The following SLC14A2 variants were observed in gnomAD, a reference collection of about 807,000 sequenced individuals.
SLC14A2 encodes the protein solute carrier family 14 member 2.
Under a neutral mutation model 104.6 loss-of-function variants are expected in SLC14A2, and 91 were observed. The ratio of observed to expected loss-of-function variants is 0.87; its 90% confidence interval spans 0.73 to 1.04. The LOEUF is 1.04. SLC14A2 is among the 50% of genes least tolerant of loss of function. The pLI is 0.00. For missense variants in SLC14A2, 1,189 were observed against 1,156.0 expected (o/e 1.03, Z -0.41); for synonymous variants, 476 against 466.4 (o/e 1.02, Z -0.27).
intron 4 of SLC14A2, among the ~76,000 whole-genome samples, chr18:45,629,163 G>A (rs563294583): frequency 1.8e-4 from 27 of 152,334 alleles, no homozygotes; most frequent in African/African-American, 6.3e-4. Context: ...TGTAACCAAC[G>A]TCAGGCCCAG....
intron 1 of SLC14A2, among the ~76,000 whole-genome samples, chr18:45,220,456 A>C (rs1040431848): frequency 2.6e-5 from 4 of 152,230 alleles, no homozygotes; most frequent in African/African-American, 9.6e-5. Flanking sequence ...CAAACAAAAA[A>C]TGTTGGGCAG....
intron 2 of SLC14A2, among the ~76,000 whole-genome samples, chr18:45,510,726 C>T (rs1045638405): frequency 6.6e-5 from 10 of 151,546 alleles, no homozygotes; most frequent in African/African-American, 2.4e-4. Context: ...CAGCTGATCC[C>T]GTCATTGAGA....
intron 1 of SLC14A2, among the ~76,000 whole-genome samples, chr18:45,307,524 T>C (rs2085036370): frequency 6.6e-6 from 1 of 152,004 alleles, no homozygotes; most frequent in African/African-American, 2.4e-5. Flanking sequence ...TGGCCTGCTG[T>C]GGAGTGGAGA....
At chr18:45,570,473 C>T (rs1415666543) in intron 2 of SLC14A2, among the ~76,000 whole-genome samples, 2 of 152,202 alleles carry the variant, frequency 1.3e-5, no homozygotes, top group Non-Finnish European at 2.9e-5. Context: ...AATAAGAGCA[C>T]TTTAGAGAAA....
At chr18:45,192,325 AT>A in the SLC14A2 span, among the ~76,000 whole-genome samples, 1 of 152,222 alleles carries the variant, frequency 6.6e-6, no homozygotes, top group African/African-American at 2.4e-5. Context: ...GTTTTGACAT[AT>A]GTATATATGG....
intron 1 of SLC14A2, among the ~76,000 whole-genome samples, chr18:45,372,013 G>T (rs1046851276): frequency 5.3e-5 from 8 of 152,124 alleles, no homozygotes; most frequent in African/African-American, 1.9e-4. Context: ...GTTATGATAA[G>T]TAATTCATTT....
intron 1 of SLC14A2, among the ~76,000 whole-genome samples, chr18:45,226,102 A>G (rs971527363): frequency 7.9e-5 from 12 of 152,216 alleles, no homozygotes; most frequent in Non-Finnish European, 1.3e-4. Context: ...GAGAAATGCA[A>G]TCAAAACCAC....
At chr18:45,368,815 C>G (rs1369010406) in intron 1 of SLC14A2, among the ~76,000 whole-genome samples, 1 of 152,114 alleles carries the variant, frequency 6.6e-6, no homozygotes, top group Non-Finnish European at 1.5e-5. Context: ...CTGTTGGACA[C>G]TGAAGTGTTC....
intron 1 of SLC14A2, among the ~76,000 whole-genome samples, chr18:45,350,073 G>A (rs62090682): frequency 0.09 from 13,690 of 152,236 alleles, 700 homozygotes; most frequent in Middle Eastern, 0.12. Context: ...CACTGTTTGG[G>A]TCAACAAAGA....
rs758145729 is a variant in SLC14A2 at position 45,364,247 on chromosome 18, C to CAGAAA, written c.-124-118986_-124-118985insAGAAA. Among the ~76,000 whole-genome samples the CAGAAA allele has an allele frequency of 2.0e-3, 305 of 152,324 alleles. 3 individuals carry two copies. Among genetic ancestry groups the CAGAAA allele is most frequent in the Non-Finnish European group, 3.3e-3 (223 of 68,030 alleles). ...TTACATCATATACTTCTGGTATTCCCTGTCATTTGCTATGCTTAGAAGGCA... is the reference window on the plus strand; with the variant it reads ...TTACATCATATACTTCTGGTATTCCCAGAAATGTCATTTGCTATGCTTAGAAGGCA... On this transcript the variant is annotated intron_variant, in intron 1 of 20. Coordinates refer to the SLC14A2 transcript ENST00000586448.
intron 1 of SLC14A2, among the ~76,000 whole-genome samples, chr18:45,439,734 T>A (rs553379531): frequency 4.9e-4 from 74 of 152,284 alleles, no homozygotes; most frequent in Non-Finnish European, 1.0e-3. Flanking sequence ...TGGCACCACA[T>A]CCACATCAGC....
intron 1 of SLC14A2, among the ~76,000 whole-genome samples, chr18:45,479,564 G>T (rs1157350886): frequency 1.3e-5 from 2 of 152,076 alleles, no homozygotes; most frequent in Non-Finnish European, 2.9e-5. Flanking sequence ...CACTATCTGT[G>T]CCAAGTTAGA....
chr18:45,495,428 G>A (rs2043077243), intron 2 of SLC14A2, among the ~76,000 whole-genome samples: 1 of 152,154 alleles, frequency 6.6e-6, no homozygotes, highest in South Asian at 2.1e-4. Flanking sequence ...AACTTCACTT[G>A]ACTGGTCCCT....
intron 1 of SLC14A2, among the ~76,000 whole-genome samples, chr18:45,476,820 T>C (rs2087390441): frequency 6.6e-6 from 1 of 152,254 alleles, no homozygotes; most frequent in Non-Finnish European, 1.5e-5. Context: ...TGCTGTGTTT[T>C]TCAGCTCCGT....
chr18:45,670,998 TTG>T (rs951664096), intron 16 of SLC14A2, among the ~76,000 whole-genome samples: 16 of 152,274 alleles, frequency 1.1e-4, no homozygotes, highest in African/African-American at 3.6e-4. Context: ...CTTGATCATT[TTG>T]TGTGTGTGAG....
chr18:45,273,932 T>A (rs1021363303), intron 1 of SLC14A2, among the ~76,000 whole-genome samples: 4 of 152,220 alleles, frequency 2.6e-5, no homozygotes, highest in Non-Finnish European at 5.9e-5. Context: ...ATGCTGTAAA[T>A]GTGTTATATT....
chr18:45,643,785 G>C (rs2045573158), intron 9 of SLC14A2, among the ~76,000 whole-genome samples: 1 of 152,156 alleles, frequency 6.6e-6, no homozygotes, highest in Non-Finnish European at 1.5e-5. Context: ...CCAAAGTGCT[G>C]GTATTACAGG....
chr18:45,469,452 A>C (rs1388767806), intron 1 of SLC14A2, among the ~76,000 whole-genome samples: 4 of 152,236 alleles, frequency 2.6e-5, no homozygotes, highest in Non-Finnish European at 5.9e-5. Flanking sequence ...TCAGGGATAC[A>C]GGGGTGACAG....
intron 1 of SLC14A2, among the ~76,000 whole-genome samples, chr18:45,419,643 G>A (rs755856148): frequency 8.5e-5 from 13 of 152,090 alleles, no homozygotes; most frequent in African/African-American, 2.2e-4. Flanking sequence ...GTGTGGTGGC[G>A]CACGCCTGTA....
Sources: gnomAD v4.1 joint callset for allele counts (sites outside exome capture counted in the v4.1 genomes callset) on GRCh38, gnomAD v4.1.1 for gene constraint, MANE v1.5 for transcripts, NCBI Gene and HGNC (gene_info 2026-07-23, HGNC 2026-07-21) for gene names.